SLC13A3: variants seen among roughly 807,000 people sequenced by gnomAD.
The protein encoded by SLC13A3 is solute carrier family 13 member 3, also known as Na(+)/dicarboxylate cotransporter 3.
SLC13A3 carries 40 observed loss-of-function variants against 59.0 expected under a neutral mutation model. That is an observed-to-expected ratio of 0.68 (90% CI 0.53 to 0.88). The LOEUF is 0.88. SLC13A3 is among the 40% of genes least tolerant of loss of function. The probability of loss-of-function intolerance (pLI) is 0.00; values close to 1 mark genes in which losing one functional copy is unlikely to be tolerated. For missense variants in SLC13A3, 699 were observed against 783.2 expected (o/e 0.89, Z 1.28); for synonymous variants, 317 against 330.3 (o/e 0.96, Z 0.44).
Position 46,613,464 on chromosome 20 carries a change from C to T in SLC13A3, c.373G>A (p.Ala125Thr). The change falls in exon 2 of 13, where the codon GCC (alanine) becomes ACC (threonine). Residue 125 changes from alanine (A) to threonine (T), a missense_variant. By Grantham distance (58) the Ala-to-Thr change is moderately conservative (BLOSUM62 0). Coordinates refer to ENST00000279027, the MANE Select transcript of SLC13A3 (RefSeq NM_022829.6). ...GGAACCATTACCTGTTCTTACCTGG[C>T]CGGCTGGACTCCAACAAGCATCAGG... is the stretch of plus-strand genomic sequence containing the variant. The part of the protein sequence containing the change: ...KILMLVGVQP[A>T]RLILGMMVTT... The T allele has an allele frequency of 1.3e-6, 2 of 1,585,656 alleles. No homozygotes were observed. Among genetic ancestry groups the T allele is most frequent in the Non-Finnish European group, 1.7e-6 (2 of 1,164,098 alleles).
chr20:46,579,937 C>T (rs2062118362), intron 9 of SLC13A3, among the ~76,000 whole-genome samples: 1 of 151,986 alleles, frequency 6.6e-6, no homozygotes, highest in Admixed American at 6.5e-5. Flanking sequence ...TCCACAGACC[C>T]TGCCTTGCCA....
At chr20:46,681,345 G>C (rs771497966) in intron 1 of SLC13A3, among the ~76,000 whole-genome samples, 1 of 152,104 alleles carries the variant, frequency 6.6e-6, no homozygotes, top group Non-Finnish European at 1.5e-5. Flanking sequence ...AAATGAACAC[G>C]TTCAAGGAAA....
chr20:46,568,401 C>CAAAA (rs66526539), intron 10 of SLC13A3, among the ~76,000 whole-genome samples: 17 of 58,708 alleles, frequency 2.9e-4, no homozygotes, highest in African/African-American at 6.2e-4. Context: ...GACTCCATCT[C>CAAAA]AAAAAAAAAA....
chr20:46,595,144 A>G (rs974411060), intron 5 of SLC13A3, among the ~76,000 whole-genome samples: 1 of 152,214 alleles, frequency 6.6e-6, no homozygotes, highest in African/African-American at 2.4e-5. Context: ...AATCAAATGA[A>G]CCTATGCTAC....
At chr20:46,598,267 C>A (rs2062335359) in intron 4 of SLC13A3, among the ~76,000 whole-genome samples, 1 of 152,146 alleles carries the variant, frequency 6.6e-6, no homozygotes, top group African/African-American at 2.4e-5. Flanking sequence ...AAGGCAAAGA[C>A]CAGAAGCAGG....
In SLC13A3 at chr20:46,651,436, G is replaced by A. The variant is rs1196116438; in HGVS notation, c.-15C>T. ...AGCGCCGCCATCAGCGCGATCGCCTGGCGGTACGGGCCGGCCCGGGACTGC... is the reference window on the plus strand; with the variant it reads ...AGCGCCGCCATCAGCGCGATCGCCTAGCGGTACGGGCCGGCCCGGGACTGC... On this transcript the variant is annotated 5_prime_UTR_variant, in exon 1 of 13. Coordinates refer to ENST00000279027, the MANE Select transcript of SLC13A3 (RefSeq NM_022829.6). 1 of 1,470,936 alleles carries A rather than the reference G, an allele frequency of 6.8e-7. No homozygotes were observed. Among genetic ancestry groups the A allele is most frequent in the Non-Finnish European group, 8.9e-7 (1 of 1,118,326 alleles). The allele number at this position is 1,470,936 out of a possible 1,614,324, so 91.1% of individuals were successfully genotyped here.
chr20:46,577,722 C>A (rs1280678619), intron 9 of SLC13A3, among the ~76,000 whole-genome samples: 4 of 152,220 alleles, frequency 2.6e-5, no homozygotes, highest in Admixed American at 1.3e-4. Flanking sequence ...ATGTGGATTT[C>A]CCACTGCAGC....
intron 12 of SLC13A3, among the ~76,000 whole-genome samples, chr20:46,561,739 G>A (rs1273860607): frequency 6.6e-6 from 1 of 151,462 alleles, no homozygotes; most frequent in Non-Finnish European, 1.5e-5. Context: ...GACATACTGC[G>A]TGTGCTGTCC....
intron 1 of SLC13A3, among the ~76,000 whole-genome samples, chr20:46,635,635 C>T (rs1001163335): frequency 3.3e-5 from 5 of 152,144 alleles, no homozygotes; most frequent in South Asian, 2.1e-4. Context: ...CTGTCAGAGG[C>T]GTTTGAACCA....
At chr20:46,648,963 A>ACG (rs2062926052) in intron 1 of SLC13A3, among the ~76,000 whole-genome samples, 1 of 151,776 alleles carries the variant, frequency 6.6e-6, no homozygotes, top group Non-Finnish European at 1.5e-5. Flanking sequence ...ACACACACAC[A>ACG]CACATAAAGG....
intron 1 of SLC13A3, among the ~76,000 whole-genome samples, chr20:46,660,680 A>G (rs1188490679): frequency 1.3e-5 from 2 of 152,120 alleles, no homozygotes; most frequent in Non-Finnish European, 2.9e-5. Flanking sequence ...GATGTCTTTC[A>G]TCAATTTTGG....
At chr20:46,672,170 GAC>G (rs2063096531), upstream of SLC13A3, among the ~76,000 whole-genome samples, 1 of 152,242 alleles carries the variant, frequency 6.6e-6, no homozygotes. Flanking sequence ...TGCCTGCTCA[GAC>G]ACAGCTGCCT....
intron 1 of SLC13A3, among the ~76,000 whole-genome samples, chr20:46,625,406 C>T (rs538153970): frequency 1.3e-5 from 2 of 152,060 alleles, no homozygotes; most frequent in Non-Finnish European, 2.9e-5. Context: ...GGGTTTTTGT[C>T]CAAGTAATAG....
chr20:46,600,324 A>G (rs199994800), intron 3 of SLC13A3, among the ~76,000 whole-genome samples: 18 of 83,858 alleles, frequency 2.1e-4, no homozygotes, highest in African/African-American at 1.0e-3. Context: ...GGAAGGAAGG[A>G]AAGGAAGGAA....
At chr20:46,611,732 G>A (rs918293960) in intron 2 of SLC13A3, among the ~76,000 whole-genome samples, 11 of 152,182 alleles carry the variant, frequency 7.2e-5, no homozygotes, top group African/African-American at 2.7e-4. Flanking sequence ...TAACTGGGAT[G>A]TATCAGCTTC....
At chr20:46,664,888 GCAT>G (rs1340388487) in intron 1 of SLC13A3, among the ~76,000 whole-genome samples, 1 of 152,204 alleles carries the variant, frequency 6.6e-6, no homozygotes, top group Non-Finnish European at 1.5e-5. Flanking sequence ...ACAGGTCTTA[GCAT>G]CATCAAGGAA....
intron 12 of SLC13A3, among the ~76,000 whole-genome samples, chr20:46,562,820 G>A (rs1353439840): frequency 6.6e-6 from 1 of 152,130 alleles, no homozygotes; most frequent in Non-Finnish European, 1.5e-5. Context: ...GTCCTGCAGG[G>A]GTCTTGTGCC....
intron 1 of SLC13A3, among the ~76,000 whole-genome samples, chr20:46,668,541 G>A (rs1418898683): frequency 2.0e-5 from 3 of 152,202 alleles, no homozygotes; most frequent in African/African-American, 7.2e-5. Context: ...ATGAGTTTAA[G>A]GAAAGAAGCC....
chr20:46,640,737 G>A (rs1023773733), intron 1 of SLC13A3, among the ~76,000 whole-genome samples: 3 of 152,136 alleles, frequency 2.0e-5, no homozygotes, highest in African/African-American at 4.8e-5. Context: ...AAAGCAGTTT[G>A]GACACACGTG....
Sources: gnomAD v4.1 joint callset for allele counts (sites outside exome capture counted in the v4.1 genomes callset) on GRCh38, gnomAD v4.1.1 for gene constraint, MANE v1.5 for transcripts, NCBI Gene and HGNC (gene_info 2026-07-23, HGNC 2026-07-21) for gene names.